AKR1B15: variants seen among roughly 807,000 people sequenced by gnomAD.
AKR1B15 encodes the protein aldo-keto reductase family 1 member B15, also known as estradiol 17-beta-dehydrogenase AKR1B15.
Under a neutral mutation model 38.5 loss-of-function variants are expected in AKR1B15, and 49 were observed. The observed-to-expected ratio is 1.27, with a 90% CI of 1.01 to 1.62. The LOEUF (loss-of-function observed/expected upper bound fraction) is 1.62. AKR1B15 is among the 40% of genes most tolerant of loss of function. AKR1B15 has a pLI of 0.00. For missense variants in AKR1B15, 411 were observed against 381.6 expected (o/e 1.08, Z -0.64); for synonymous variants, 137 against 135.5 (o/e 1.01, Z -0.08).
intron 7 of AKR1B15, 101 bp from the exon 8 acceptor site, chr7:134,575,720 T>G: frequency 6.3e-7 from 1 of 1,591,682 alleles, no homozygotes; most frequent in South Asian, 1.1e-5. Context: ...GCGCACTTGT[T>G]TGGCCTTTGC....
chr7:134,568,645 T>G (rs1794598001), intron 4 of AKR1B15, among the ~76,000 whole-genome samples: 1 of 152,184 alleles, frequency 6.6e-6, no homozygotes, highest in South Asian at 2.1e-4. Flanking sequence ...GGGCTTGATA[T>G]GAAGCCTCCC....
At chr7:134,571,840 G>C (rs1475867716) in intron 6 of AKR1B15, among the ~76,000 whole-genome samples, 159 bp downstream of exon 6, 1 of 151,924 alleles carries the variant, frequency 6.6e-6, no homozygotes, top group Admixed American at 6.6e-5. Flanking sequence ...TTGGCTTTTG[G>C]GTGCATCTGA....
rs555947357 is a variant in AKR1B15 at position 134,577,738 on chromosome 7, C to G, written c.944C>G (p.Ala315Gly). The change falls in exon 11 of 12, where the codon GCA becomes GGA. Residue 315 changes from alanine (A) to glycine (G), a missense_variant. Ala to Gly is a moderately conservative substitution (Grantham distance 60). Coordinates refer to ENST00000457545, the MANE Select transcript of AKR1B15 (RefSeq NM_001080538.3). The part of the protein sequence containing the change: ...FDFKLSDEEM[A>G]TILSFNRNWR... ...TTTAAATTGAGTGATGAGGAGATGG[C>G]AACCATACTCAGCTTCAACAGAAAC... 65 of 1,613,972 alleles carry G rather than the reference C, an allele frequency of 4.0e-5. 1 individual carries two copies. The South Asian group carries it at 6.9e-4, about 17-fold the overall frequency.
At chr7:134,556,646 A>G (rs1295032027) in intron 1 of AKR1B15, 90 bp from the exon 2 acceptor site, 1 of 152,038 alleles carries the variant, frequency 6.6e-6, no homozygotes, top group Admixed American at 6.5e-5. Flanking sequence ...GACCTCTCCT[A>G]TGCATGTTGA....
At chr7:134,573,547 G>T (rs1452298308) in intron 6 of AKR1B15, 41 of 985,090 alleles carry the variant, frequency 4.2e-5, no homozygotes, top group Non-Finnish European at 4.8e-5. Context: ...CGTAAGCATT[G>T]GATGTTTATG....
At chr7:134,557,041 T>C (rs1562942801) in intron 2 of AKR1B15, among the ~76,000 whole-genome samples, 182 bp downstream of exon 2, 8 of 152,174 alleles carry the variant, frequency 5.3e-5, no homozygotes, top group African/African-American at 1.9e-4. Context: ...TCTGGAGTCA[T>C]AAAAAATACT....
At chr7:134,560,594 A>C (rs565845028) in intron 2 of AKR1B15, among the ~76,000 whole-genome samples, 1 of 152,252 alleles carries the variant, frequency 6.6e-6, no homozygotes, top group African/African-American at 2.4e-5. Flanking sequence ...AAGTGGTTCT[A>C]GAAGGAATAT....
Position 134,568,332 on chromosome 7 carries a change from A to G in AKR1B15, c.318+7A>G, listed in dbSNP as rs368705788. On this transcript the variant is annotated splice_region_variant and intron_variant, in intron 4 of 11. Coordinates refer to ENST00000457545, the MANE Select transcript of AKR1B15 (RefSeq NM_001080538.3). ...CCTGTTCATCGTCAGCAAGGTGCAC[A>G]TGGCGCATTTGGTGGGAGGCCTTCA... is the stretch of plus-strand genomic sequence containing the variant. 9.3e-6 allele frequency: 15 copies of G among 1,613,560 alleles called. No homozygotes were observed. In the East Asian group the frequency reaches 1.3e-4, roughly 14 times the overall value.
At chr7:134,567,432 T>C (rs1374578687) in intron 3 of AKR1B15, among the ~76,000 whole-genome samples, 4 of 152,174 alleles carry the variant, frequency 2.6e-5, no homozygotes, top group Non-Finnish European at 5.9e-5. Flanking sequence ...CTCCTTTTTT[T>C]CCAAAATGAT....
Position 134,568,087 on chromosome 7 carries a change from G to A in AKR1B15, c.151-71G>A, listed in dbSNP as rs934568396. The A allele has an allele frequency of 4.4e-6, 7 of 1,574,040 alleles. No individual in the cohort carries two copies. In the African/African-American group the frequency reaches 6.8e-5, roughly 15 times the overall value. ...GAACCTGGGAGTGTGAGGCCAGCCT[G>A]GGCAACATGGCAAGGTCTCATCTCT... On this transcript the variant is annotated intron_variant, in intron 3 of 11. Coordinates refer to ENST00000457545, the MANE Select transcript of AKR1B15 (RefSeq NM_001080538.3).
intron 3 of AKR1B15, among the ~76,000 whole-genome samples, chr7:134,567,456 A>G (rs1007546874): frequency 3.3e-5 from 5 of 152,152 alleles, no homozygotes; most frequent in Admixed American, 3.3e-4. Flanking sequence ...TGTATAATGG[A>G]CGGCCTGTAC....
Position 134,569,358 on chromosome 7 carries a change from T to C in AKR1B15, c.319-55T>C, listed in dbSNP as rs142407278. On this transcript the variant is annotated intron_variant, in intron 4 of 11. Transcript: ENST00000457545. ...AATCAAAAAGCAGGGACAATGAGTA[T>C]AATGTGGCCCTTCCTTTTCCCAGTA... 8.4e-4 allele frequency: 1,332 copies of C among 1,594,328 alleles called. 6 individuals are homozygous for C. In the African/African-American group the frequency reaches 0.014, roughly 17 times the overall value.
intron 10 of AKR1B15, 50 bp from the exon 11 acceptor site, chr7:134,577,654 A>G (rs1794793508): frequency 6.3e-7 from 1 of 1,589,510 alleles, no homozygotes; most frequent in South Asian, 1.1e-5. Context: ...GTCTCCAGCC[A>G]CAGCAGTAAC....
At chr7:134,573,566 CA>C (rs1300274333) in intron 6 of AKR1B15, 15 of 984,376 alleles carry the variant, frequency 1.5e-5, no homozygotes, top group Non-Finnish European at 1.8e-5. Flanking sequence ...TGTAGACCCA[CA>C]ACCAGTTCAG....
At chr7:134,551,595 G>T (rs572274249) in intron 1 of AKR1B15, among the ~76,000 whole-genome samples, 1 of 152,260 alleles carries the variant, frequency 6.6e-6, no homozygotes, top group South Asian at 2.1e-4. Context: ...TCGAGAATTT[G>T]AAAAGCAAAA....
At position 134,569,603 on chromosome 7, in the gene AKR1B15, C is replaced by A; in HGVS notation, c.435+74C>A. On this transcript the variant is annotated intron_variant, in intron 5 of 11. Coordinates refer to ENST00000457545, the MANE Select transcript of AKR1B15 (RefSeq NM_001080538.3). Reference sequence around the variant, plus strand: ...AATTCAGGGACCCCCAACAGAGAGACTGGCTGAAGCCATGGCAGAAGAACA... The same window carrying A: ...AATTCAGGGACCCCCAACAGAGAGAATGGCTGAAGCCATGGCAGAAGAACA... The A allele has an allele frequency of 3.4e-6, 5 of 1,461,418 alleles. No individual in the cohort carries two copies. The East Asian group carries it at 9.1e-5, about 27-fold the overall frequency. The allele number at this position is 1,461,418 out of a possible 1,614,324, so 90.5% of individuals were successfully genotyped here.
intron 2 of AKR1B15, among the ~76,000 whole-genome samples, chr7:134,560,109 G>GAAA (rs145835206): frequency 6.8e-6 from 1 of 146,920 alleles, no homozygotes. Context: ...CTCCACCTAA[G>GAAA]AAAAAAAAAA....
intron 9 of AKR1B15, among the ~76,000 whole-genome samples, chr7:134,576,753 TA>T (rs562808452): frequency 1.0e-3 from 158 of 151,670 alleles, no homozygotes; most frequent in African/African-American, 3.8e-3. Context: ...TCTTCATTCC[TA>T]AAAAAGGAAG....
At chr7:134,577,674 G>A (rs151267748) in intron 10 of AKR1B15, 30 bp from the exon 11 acceptor site, 1,129 of 1,608,116 alleles carry the variant, frequency 7.0e-4, no homozygotes, top group Non-Finnish European at 8.1e-4. Context: ...CAGCCTTACC[G>A]ATAATGTATT....
Sources: allele counts gnomAD v4.1 joint callset (sites outside exome capture counted in the v4.1 genomes callset), GRCh38; gene constraint gnomAD v4.1.1; transcripts MANE v1.5; gene names NCBI Gene and HGNC (gene_info 2026-07-23, HGNC 2026-07-21).